The following KLHL13 variants were observed in gnomAD, a reference collection of about 807,000 sequenced individuals.
The protein encoded by KLHL13 is kelch like family member 13, also known as kelch-like protein 13.
In KLHL13, 10 loss-of-function variants were observed where a neutral mutation model predicts 37.1. The observed-to-expected ratio is 0.27, with a 90% CI of 0.17 to 0.46. KLHL13 has a LOEUF of 0.46. Ranked by LOEUF, KLHL13 falls within the 20% of genes least tolerant of loss-of-function variation. The pLI, the probability that KLHL13 is intolerant of heterozygous loss-of-function variation, is 1.00. For synonymous variants in KLHL13, 163 were observed against 181.2 expected, an observed-to-expected ratio of 0.90 and a Z score of 0.81; for missense variants, 360 against 509.3, an observed-to-expected ratio of 0.71 and a Z score of 2.82.
chrX:117,926,310 C>T (rs1331037172), intron 2 of KLHL13, among the ~76,000 whole-genome samples: 1 of 111,243 alleles, frequency 9.0e-6, no homozygotes, highest in Admixed American at 9.5e-5. Context: ...ACCTAGTATT[C>T]TCCTAGAGCT....
chrX:118,014,389 G>C (rs1369014719), intron 1 of KLHL13, among the ~76,000 whole-genome samples: 1 of 111,786 alleles, frequency 8.9e-6, no homozygotes, highest in Admixed American at 9.5e-5. Context: ...TACTAGGATT[G>C]GGAAATTCCA....
At chrX:118,114,041 C>CCA (rs1210416526) in intron 1 of KLHL13, among the ~76,000 whole-genome samples, 4 of 112,240 alleles carry the variant, frequency 3.6e-5, no homozygotes. Context: ...TACAGTCTTT[C>CCA]CACATTTTCT....
At chrX:117,964,203 A>C (rs1390999797) in intron 1 of KLHL13, among the ~76,000 whole-genome samples, 2 of 110,673 alleles carry the variant, frequency 1.8e-5, no homozygotes, top group African/African-American at 6.6e-5. Context: ...AAAAAAAAAA[A>C]AATTGCTTCA....
chrX:118,038,042 T>C (rs1208565177), intron 1 of KLHL13, among the ~76,000 whole-genome samples: 2 of 111,878 alleles, frequency 1.8e-5, no homozygotes, highest in South Asian at 3.7e-4. Context: ...GGAAAAATAT[T>C]GAAAAAAGGA....
intron 1 of KLHL13, among the ~76,000 whole-genome samples, chrX:118,114,468 G>A (rs777659151): frequency 2.7e-5 from 3 of 111,986 alleles, no homozygotes; most frequent in African/African-American, 6.5e-5. Flanking sequence ...AATCACATTA[G>A]CAGCAATCTT....
chrX:117,980,658 C>T (rs2053650449), intron 1 of KLHL13, among the ~76,000 whole-genome samples: 1 of 111,436 alleles, frequency 9.0e-6, no homozygotes, highest in Admixed American at 9.5e-5. Context: ...CTATTTAACA[C>T]TATTTAAATT....
At chrX:117,937,671 T>A (rs1370860684) in intron 2 of KLHL13, among the ~76,000 whole-genome samples, 2 of 112,000 alleles carry the variant, frequency 1.8e-5, no homozygotes, top group African/African-American at 3.3e-5. Flanking sequence ...ACATATTGTA[T>A]AATTTTTCTA....
intron 1 of KLHL13, among the ~76,000 whole-genome samples, chrX:117,980,912 T>G: frequency 1.8e-5 from 2 of 111,762 alleles, no homozygotes; most frequent in Middle Eastern, 9.3e-3. Flanking sequence ...GATGTCCTTA[T>G]GGTAATGTTA....
chrX:118,022,557 G>A (rs181607012), intron 1 of KLHL13, among the ~76,000 whole-genome samples: 49 of 111,884 alleles, frequency 4.4e-4, no homozygotes, highest in Admixed American at 8.6e-4. Context: ...ATATCTCATC[G>A]TGGTTTTCAT....
intron 1 of KLHL13, among the ~76,000 whole-genome samples, chrX:118,051,832 A>G (rs1461795668): frequency 2.7e-5 from 3 of 111,718 alleles, no homozygotes; most frequent in African/African-American, 6.5e-5. Context: ...AGAACTGAAC[A>G]CATAAAAATT....
At chrX:117,942,386 T>C (rs1475211143) in intron 2 of KLHL13, among the ~76,000 whole-genome samples, 1 of 111,384 alleles carries the variant, frequency 9.0e-6, no homozygotes, top group Non-Finnish European at 1.9e-5. Flanking sequence ...ATATCCTTGT[T>C]AATTTTCTGT....
intron 1 of KLHL13, among the ~76,000 whole-genome samples, chrX:118,093,747 T>C (rs2055166639): frequency 1.8e-5 from 2 of 111,582 alleles, no homozygotes; most frequent in South Asian, 7.6e-4. Flanking sequence ...CAAAGTCTTA[T>C]AATAATGTAT....
At chrX:117,914,959 T>C (rs1194142923) in intron 4 of KLHL13, among the ~76,000 whole-genome samples, 1 of 111,688 alleles carries the variant, frequency 9.0e-6, no homozygotes, top group East Asian at 2.8e-4. Flanking sequence ...CCACAAAAGA[T>C]GGGTATCAAC....
chrX:118,086,231 C>T (rs1014873294), intron 1 of KLHL13, among the ~76,000 whole-genome samples: 9 of 111,677 alleles, frequency 8.1e-5, no homozygotes, highest in Non-Finnish European at 1.5e-4. Flanking sequence ...CCACCATGCC[C>T]GGATGTCTTT....
At chrX:118,094,219 C>T (rs932278735) in intron 1 of KLHL13, among the ~76,000 whole-genome samples, 1 of 110,998 alleles carries the variant, frequency 9.0e-6, no homozygotes, top group Non-Finnish European at 1.9e-5. Flanking sequence ...CTGAAAACCA[C>T]GGCATGAGAA....
intron 1 of KLHL13, among the ~76,000 whole-genome samples, chrX:118,104,414 T>C (rs901880696): frequency 1.8e-5 from 2 of 111,816 alleles, no homozygotes; most frequent in African/African-American, 6.5e-5. Context: ...TGGCCCACTA[T>C]AGAGCATACA....
intron 1 of KLHL13, among the ~76,000 whole-genome samples, chrX:118,025,683 C>T (rs1352183811): frequency 8.9e-6 from 1 of 111,933 alleles, no homozygotes; most frequent in Non-Finnish European, 1.9e-5. Context: ...CCAGAACACA[C>T]GTTTTAACTA....
At chrX:117,972,484 T>TA (rs2053540669) in intron 1 of KLHL13, among the ~76,000 whole-genome samples, 1 of 112,890 alleles carries the variant, frequency 8.9e-6, no homozygotes, top group Non-Finnish European at 1.9e-5. Context: ...ATTCCTTAGG[T>TA]ATGCCTTTGT....
At chrX:117,912,086 G>C (rs1169131178) in intron 4 of KLHL13, among the ~76,000 whole-genome samples, 1 of 111,546 alleles carries the variant, frequency 9.0e-6, no homozygotes, top group Non-Finnish European at 1.9e-5. Context: ...TTTGTAAATG[G>C]AGTTACAGTC....
Sources: allele counts gnomAD v4.1 joint callset (sites outside exome capture counted in the v4.1 genomes callset), GRCh38; gene constraint gnomAD v4.1.1; transcripts MANE v1.5; gene names NCBI Gene and HGNC (gene_info 2026-07-23, HGNC 2026-07-21).